The following TNFRSF14 variants were observed in gnomAD, a reference collection of about 807,000 sequenced individuals.
TNFRSF14 encodes tumor necrosis factor receptor superfamily member 14.
A neutral mutation model predicts 34.1 loss-of-function variants in TNFRSF14; 18 were observed. That is an observed-to-expected ratio of 0.53 (90% CI 0.36 to 0.78). The LOEUF (loss-of-function observed/expected upper bound fraction) is 0.78. Among genes scored for constraint, TNFRSF14 ranks in the 30% least tolerant of loss-of-function variants. The pLI, the probability that TNFRSF14 is intolerant of heterozygous loss-of-function variation, is 0.00. For missense variants in TNFRSF14, 352 were observed against 379.5 expected, an observed-to-expected ratio of 0.93 and a Z score of 0.60; for synonymous variants, 157 against 153.2, an observed-to-expected ratio of 1.02 and a Z score of -0.18.
At position 2,561,337 on chromosome 1, in the gene TNFRSF14, C is replaced by G; in HGVS notation, c.552-336C>G. On this transcript the variant is annotated intron_variant, in intron 5 of 7. Coordinates refer to ENST00000355716, the MANE Select transcript of TNFRSF14 (RefSeq NM_003820.4). This position sits in a 1 kb window ranked among gnomAD's most constrained non-coding sequence, Gnocchi z 6.0. ...GTCCCGACACTGGCTCTCCCTCTAC[C>G]TTCTGTCCTTGTCTGCCACTGGTCT... The G allele has an allele frequency of 1.5e-6, 1 of 689,034 alleles. No individual in the cohort carries two copies. The highest frequency in any genetic ancestry group is 2.4e-6 in the Non-Finnish European group (1 of 411,546). The allele number at this position is 689,034 out of a possible 1,614,324, so 42.7% of individuals were successfully genotyped here.
Position 2,563,486 on chromosome 1 carries a change from C to G in TNFRSF14, c.*213C>G. 1 of 714,408 alleles carries G rather than the reference C, an allele frequency of 1.4e-6. No homozygotes were observed. Among genetic ancestry groups the G allele is most frequent in the Non-Finnish European group, 2.2e-6 (1 of 448,324 alleles). 44.3% of individuals were successfully genotyped at this position (714,408 alleles called of 1,614,324 possible). Reference sequence around the variant, plus strand: ...CCCATGGGCCAGTGAGGGCCTGGGGCCTCTGTTCTGCTGTGGCCTGAGCTC... The same window carrying G: ...CCCATGGGCCAGTGAGGGCCTGGGGGCTCTGTTCTGCTGTGGCCTGAGCTC... On this transcript the variant is annotated 3_prime_UTR_variant, in exon 8 of 8. Coordinates refer to ENST00000355716, the MANE Select transcript of TNFRSF14 (RefSeq NM_003820.4).
At chr1:2,556,766 C>G in intron 1 of TNFRSF14, 33 bp downstream of exon 1, 1 of 1,562,748 alleles carries the variant, frequency 6.4e-7, no homozygotes, top group South Asian at 1.2e-5. Context: ...CGTCTGCTCG[C>G]AGATCCCAGT....
intron 6 of TNFRSF14, 37 bp from the exon 7 acceptor site, chr1:2,562,828 A>G: frequency 1.2e-6 from 2 of 1,613,850 alleles, no homozygotes; most frequent in Middle Eastern, 1.6e-4. Context: ...CTGATCAGAC[A>G]CTGCCCCTCC....
chr1:2,559,069 C>T lies in TNFRSF14; in HGVS notation c.304+601C>T, dbSNP rs1644263977. On this transcript the variant is annotated intron_variant, in intron 3 of 7. Transcript: ENST00000355716. ...TGCCAGGCTCAGCATGGCCAGTGCTCCCTGCGGCCAGGCAGGACTGCACCT... is the reference window on the plus strand; with the variant it reads ...TGCCAGGCTCAGCATGGCCAGTGCTTCCTGCGGCCAGGCAGGACTGCACCT... 3 of 1,369,358 alleles carry T rather than the reference C, an allele frequency of 2.2e-6. No homozygotes were observed. In the African/African-American group the frequency reaches 4.3e-5, roughly 20 times the overall value. The allele number at this position is 1,369,358 out of a possible 1,614,324, so 84.8% of individuals were successfully genotyped here.
rs1166628374 is a variant in TNFRSF14 at position 2,561,780 on chromosome 1, G to A, written c.659G>A (p.Gly220Asp). 1 of 1,613,736 alleles carries A rather than the reference G, an allele frequency of 6.2e-7. No individual in the cohort carries two copies. Among genetic ancestry groups the A allele is most frequent in the Non-Finnish European group, 8.5e-7 (1 of 1,180,002 alleles). ...ATCGTCATTGTTTGCTCCACAGTTG[G>A]CCTAATCATATGTGTGAAAAGAAGA... is the stretch of plus-strand genomic sequence containing the variant. ...LVIVIVCSTV[G>D]LIICVKRRKP... The change falls in exon 6 of 8, where the codon GGC becomes GAC. Residue 220 changes from glycine to aspartate, a missense_variant. By Grantham distance (94) the Gly-to-Asp change is moderately conservative. Transcript: ENST00000355716. The surrounding 1 kb of genome is among the most constrained non-coding windows in gnomAD (Gnocchi z 6.0).
chr1:2,556,802 C>G (rs1557474006), intron 1 of TNFRSF14, 69 bp downstream of exon 1: 1 of 1,444,700 alleles, frequency 6.9e-7, no homozygotes, highest in Non-Finnish European at 9.3e-7. Context: ...TCCCACAGAT[C>G]TCTTCCCCAT....
chr1:2,556,870 C>G, intron 1 of TNFRSF14, 137 bp downstream of exon 1: 1 of 870,392 alleles, frequency 1.1e-6, no homozygotes, highest in Non-Finnish European at 1.7e-6. Context: ...CTGCCTGGGG[C>G]TCTCGGGTCA....
intron 4 of TNFRSF14, among the ~76,000 whole-genome samples, chr1:2,560,310 A>G (rs985056608): frequency 6.6e-6 from 1 of 152,112 alleles, no homozygotes; most frequent in Non-Finnish European, 1.5e-5. Context: ...CCACTGTTCA[A>G]GCTAAGTCTA....
chr1:2,559,577 C>A (rs1258438028), intron 3 of TNFRSF14: 9 of 1,528,786 alleles, frequency 5.9e-6, no homozygotes, highest in Non-Finnish European at 7.9e-6. Flanking sequence ...TTTCTCCCAT[C>A]AACGAAGCCC....
chr1:2,562,242 C>T, intron 6 of TNFRSF14: 1 of 236,722 alleles, frequency 4.2e-6, no homozygotes, highest in Non-Finnish European at 8.4e-6. Context: ...CCTATCCGCC[C>T]TGGTCTGGGC....
At chr1:2,559,213 T>C in intron 3 of TNFRSF14, 2 of 1,369,622 alleles carry the variant, frequency 1.5e-6, no homozygotes, top group Non-Finnish European at 9.6e-7. Context: ...TTCATGCATG[T>C]AGGCTGGGAT....
rs775911461 is a variant in TNFRSF14 at position 2,557,717 on chromosome 1, C to A, written c.70-9C>A. The A allele has an allele frequency of 6.3e-7, 1 of 1,593,896 alleles. No individual in the cohort carries two copies. Among genetic ancestry groups the A allele is most frequent in the South Asian group, 1.1e-5 (1 of 88,656 alleles). ...GGGCATCTCCCAATGCCTGTCCTGA[C>A]CCCCTTAGGTGCTGTATCTCACCTT... On this transcript the variant is annotated splice_polypyrimidine_tract_variant and intron_variant, in intron 1 of 7. Coordinates refer to ENST00000355716, the MANE Select transcript of TNFRSF14 (RefSeq NM_003820.4).
chr1:2,561,870 G>T lies in TNFRSF14; in HGVS notation c.694+55G>T. Reference sequence around the variant, plus strand: ...ATGTCCCCAGCCGTCACCTCTTGGAGCTCTGTCACCCCAAGCCTGGGAGGT... The same window carrying T: ...ATGTCCCCAGCCGTCACCTCTTGGATCTCTGTCACCCCAAGCCTGGGAGGT... On this transcript the variant is annotated intron_variant, in intron 6 of 7. Coordinates refer to ENST00000355716, the MANE Select transcript of TNFRSF14 (RefSeq NM_003820.4). The surrounding 1 kb of genome is among the most constrained non-coding windows in gnomAD (Gnocchi z 6.0). 1.3e-6 allele frequency: 2 copies of T among 1,568,950 alleles called. No homozygotes were observed. Among genetic ancestry groups the T allele is most frequent in the South Asian group, 2.3e-5 (2 of 87,700 alleles).
In TNFRSF14 at chr1:2,558,393, C is replaced by A; in HGVS notation, c.229C>A (p.Pro77Thr). 6.2e-7 allele frequency: 1 copy of A among 1,613,284 alleles called. No individual in the cohort carries two copies. The highest frequency in any genetic ancestry group is 8.5e-7 in the Non-Finnish European group (1 of 1,179,722). The change falls in exon 3 of 8, where the codon CCC becomes ACC. Residue 77 changes from proline (P) to threonine (T), a missense_variant. By Grantham distance (38) the Pro-to-Thr change is conservative. Coordinates refer to ENST00000355716, the MANE Select transcript of TNFRSF14 (RefSeq NM_003820.4). ...GGAGCTGACGGGCACAGTGTGTGAA[C>A]CCTGCCCTCCAGGCACCTACATTGC... ...CGELTGTVCEPCPPGTYIAHL... is the reference protein window; with the variant it reads ...CGELTGTVCETCPPGTYIAHL...
chr1:2,558,214 G>C (rs1644248174), intron 2 of TNFRSF14, 129 bp from the exon 3 acceptor site: 1 of 1,366,310 alleles, frequency 7.3e-7, no homozygotes. Flanking sequence ...GTCCCGTGGG[G>C]CTCATGGGCC....
intron 3 of TNFRSF14, chr1:2,558,688 G>A (rs1315440267): frequency 8.7e-7 from 1 of 1,146,946 alleles, no homozygotes; most frequent in Non-Finnish European, 1.2e-6. Context: ...TCACCGCCAG[G>A]TGGGCCATCC....
intron 3 of TNFRSF14, 151 bp downstream of exon 3, chr1:2,558,619 G>A: frequency 6.9e-7 from 1 of 1,444,342 alleles, no homozygotes; most frequent in African/African-American, 1.4e-5. Flanking sequence ...GCACCCTGCA[G>A]GGGACGCCTT....
chr1:2,561,047 G>A lies in TNFRSF14; in HGVS notation c.551+333G>A. On this transcript the variant is annotated intron_variant, in intron 5 of 7. Coordinates refer to ENST00000355716, the MANE Select transcript of TNFRSF14 (RefSeq NM_003820.4). This position sits in a 1 kb window ranked among gnomAD's most constrained non-coding sequence, Gnocchi z 6.0. ...CCCTGAATGTCAGGGCCATGGGAGG[G>A]CCCCTGGGCTTCAGGGGTTGGGGAA... 2.7e-6 allele frequency: 1 copy of A among 376,366 alleles called. No individual in the cohort carries two copies. The allele number at this position is 376,366 out of a possible 1,614,324, so 23.3% of individuals were successfully genotyped here. A position where few individuals can be genotyped will look rare whatever the true frequency, so the allele number is the denominator to read the frequency against.
Position 2,563,369 on chromosome 1 carries a change from G to T in TNFRSF14, c.*96G>T. The T allele has an allele frequency of 6.4e-7, 1 of 1,556,600 alleles. No individual in the cohort carries two copies. Among genetic ancestry groups the T allele is most frequent in the South Asian group, 1.2e-5 (1 of 83,744 alleles). On this transcript the variant is annotated 3_prime_UTR_variant, in exon 8 of 8. Coordinates refer to ENST00000355716, the MANE Select transcript of TNFRSF14 (RefSeq NM_003820.4). ...CGGAACCACCGGAGCCCGGAGGCTTGGGGGCTCCGCCCTGGGCTGGCTTCC... is the reference window on the plus strand; with the variant it reads ...CGGAACCACCGGAGCCCGGAGGCTTTGGGGCTCCGCCCTGGGCTGGCTTCC...
Sources: gnomAD v4.1 joint callset for allele counts (sites outside exome capture counted in the v4.1 genomes callset) on GRCh38, gnomAD v4.1.1 for gene constraint, Gnocchi (gnomAD v3.1) non-coding constraint, MANE v1.5 for transcripts, NCBI Gene and HGNC (gene_info 2026-07-23, HGNC 2026-07-21) for gene names.